The following SLC4A4 variants were observed in gnomAD, a reference collection of about 807,000 sequenced individuals.
SLC4A4 encodes the protein solute carrier family 4 member 4.
Under a neutral mutation model 111.5 loss-of-function variants are expected in SLC4A4, and 27 were observed. The ratio of observed to expected loss-of-function variants is 0.24; its 90% CI spans 0.18 to 0.33. The LOEUF (loss-of-function observed/expected upper bound fraction) is 0.33. Ranked by LOEUF, SLC4A4 falls within the 10% of genes least tolerant of loss-of-function variation. The probability of loss-of-function intolerance (pLI) is 1.00; values close to 1 mark genes in which losing one functional copy is unlikely to be tolerated. For synonymous variants in SLC4A4, 443 were observed against 463.4 expected, an observed-to-expected ratio of 0.96 and a Z score of 0.57; for missense variants, 909 against 1,315.5, an observed-to-expected ratio of 0.69 and a Z score of 4.78.
At chr4:71,273,518 A>G (rs947730570) in intron 3 of SLC4A4, among the ~76,000 whole-genome samples, 1 of 152,140 alleles carries the variant, frequency 6.6e-6, no homozygotes, top group Admixed American at 6.5e-5. Context: ...CCCAGGGCCA[A>G]AAGCTAGTTA....
chr4:71,155,081 A>G (rs1013166346), intron 2 of SLC4A4, among the ~76,000 whole-genome samples: 3 of 30,952 alleles, frequency 9.7e-5, no homozygotes, highest in Non-Finnish European at 1.9e-4. Flanking sequence ...TATTTGTATT[A>G]TGGGGTGTGT....
At chr4:71,496,793 G>A (rs1560561823) in intron 15 of SLC4A4, among the ~76,000 whole-genome samples, 1 of 152,018 alleles carries the variant, frequency 6.6e-6, no homozygotes, top group Non-Finnish European at 1.5e-5. Flanking sequence ...ATATGTTTGA[G>A]GCCATGTAAC....
intron 6 of SLC4A4, among the ~76,000 whole-genome samples, chr4:71,383,678 G>A (rs941553417): frequency 6.6e-6 from 1 of 152,150 alleles, no homozygotes; most frequent in Non-Finnish European, 1.5e-5. Context: ...CTATTGAACA[G>A]CTGAGCAAGA....
intron 1 of SLC4A4, among the ~76,000 whole-genome samples, chr4:71,074,630 GAA>G (rs1560705325): frequency 1.3e-5 from 2 of 150,600 alleles, no homozygotes; most frequent in South Asian, 4.2e-4. Flanking sequence ...GAAGAAAGGA[GAA>G]AAAGGAGAAG....
In SLC4A4 at chr4:71,116,458, A is replaced by G. The variant is rs997046372; in HGVS notation, c.-2+23666A>G. ...AGCTCCTGCACACCTACAGCCACAC[A>G]ATGCTTAAATTTTGGAATTCTGTAA... is the stretch of plus-strand genomic sequence containing the variant. On this transcript the variant is annotated intron_variant, in intron 2 of 26. Transcript: ENST00000649996. Among the ~76,000 whole-genome samples, 6 of 152,190 alleles carry G rather than the reference A, an allele frequency of 3.9e-5. 1 individual carries two copies. The highest frequency in any genetic ancestry group is 1.4e-4 in the African/African-American group (6 of 41,430).
chr4:71,351,255 A>C (rs1439986956), intron 5 of SLC4A4, among the ~76,000 whole-genome samples: 1 of 152,188 alleles, frequency 6.6e-6, no homozygotes, highest in Non-Finnish European at 1.5e-5. Flanking sequence ...TCCCTGTCCC[A>C]CCCAGCCTTT....
At chr4:71,473,636 T>G (rs1434126793) in intron 14 of SLC4A4, among the ~76,000 whole-genome samples, 4 of 151,824 alleles carry the variant, frequency 2.6e-5, no homozygotes, top group Non-Finnish European at 5.9e-5. Context: ...GGAATGTGAT[T>G]CTCTATATCT....
At chr4:71,153,025 A>ATG (rs71673464) in intron 2 of SLC4A4, among the ~76,000 whole-genome samples, 12,619 of 138,362 alleles carry the variant, frequency 0.091, 884 homozygotes, top group South Asian at 0.26. Flanking sequence ...ATATAAATAT[A>ATG]TGTGTGTGTA....
Position 71,154,964 on chromosome 4 carries a change from C to T in SLC4A4, c.-2+62172C>T, listed in dbSNP as rs536299876. ...AATTCCTTTTATTCTTATACATTAC[C>T]AAAGCTACAATACGGTCTAAATTTT... On this transcript the variant is annotated intron_variant, in intron 2 of 26. Transcript: ENST00000649996. 3.9e-5 allele frequency among the ~76,000 whole-genome samples: 6 copies of T among 152,054 alleles called. No homozygotes were observed. In the East Asian group the frequency reaches 1.2e-3, roughly 29 times the overall value.
chr4:71,290,435 T>C (rs577319713), intron 3 of SLC4A4, among the ~76,000 whole-genome samples: 8 of 152,288 alleles, frequency 5.3e-5, no homozygotes, highest in Non-Finnish European at 8.8e-5. Flanking sequence ...TCAACAGTGC[T>C]AACTGAAGCA....
rs1578485395 is a variant in SLC4A4, at chr4:71,106,594, T to C, written c.-2+13802T>C. Among the ~76,000 whole-genome samples, 3 of 145,892 alleles carry C rather than the reference T, an allele frequency of 2.1e-5. No individual in the cohort carries two copies. The South Asian group carries it at 6.8e-4, about 33-fold the overall frequency. On this transcript the variant is annotated intron_variant, in intron 2 of 26. Transcript: ENST00000649996. ...TACACCATGGAATACTATGCAGCCATAAAAAATGATGAGTTCATGTCCTTT... is the reference window on the plus strand; with the variant it reads ...TACACCATGGAATACTATGCAGCCACAAAAAATGATGAGTTCATGTCCTTT...
intron 6 of SLC4A4, among the ~76,000 whole-genome samples, chr4:71,372,583 A>G (rs1211548972): frequency 6.6e-6 from 1 of 152,206 alleles, no homozygotes; most frequent in Admixed American, 6.5e-5. Context: ...GTCCTTTTGC[A>G]TTTACTGGCA....
intron 2 of SLC4A4, among the ~76,000 whole-genome samples, chr4:71,254,298 G>A (rs1721283560): frequency 6.6e-6 from 1 of 152,066 alleles, no homozygotes; most frequent in African/African-American, 2.4e-5. Flanking sequence ...AAAATGATGT[G>A]GAACTTTGAG....
intron 14 of SLC4A4, among the ~76,000 whole-genome samples, chr4:71,474,608 G>A (rs757746831): frequency 2.6e-5 from 4 of 151,848 alleles, no homozygotes; most frequent in Non-Finnish European, 5.9e-5. Flanking sequence ...TAGGCAGTCA[G>A]TAACACTGAT....
In SLC4A4 at chr4:71,486,878, C is replaced by T. The variant is rs568822039; in HGVS notation, c.1904-70C>T. 3.0e-5 allele frequency: 27 copies of T among 914,034 alleles called. No homozygotes were observed. The South Asian group carries it at 3.4e-4, about 12-fold the overall frequency. The allele number at this position is 914,034 out of a possible 1,614,324, so 56.6% of individuals were successfully genotyped here. ...CTGTATAACCCTGCTTTTAAAAATA[C>T]CTAATTATGCATTTAAGGTCTTTTT... On this transcript the variant is annotated intron_variant, in intron 14 of 25. Transcript: ENST00000264485.
At chr4:71,443,114 CTCTATATATATATA>C (rs1363521784) in intron 8 of SLC4A4, among the ~76,000 whole-genome samples, 4 of 90,280 alleles carry the variant, frequency 4.4e-5, no homozygotes, top group East Asian at 7.8e-4. Context: ...CTCTCTCTCT[CTCTATATATATATA>C]TATATATATA....
At chr4:71,495,117 A>T (rs1461209374) in intron 15 of SLC4A4, among the ~76,000 whole-genome samples, 1 of 152,080 alleles carries the variant, frequency 6.6e-6, no homozygotes, top group Non-Finnish European at 1.5e-5. Flanking sequence ...ACAAAGAATC[A>T]TTTGAGGCTT....
At chr4:71,257,409 C>T (rs1721530784) in intron 3 of SLC4A4, among the ~76,000 whole-genome samples, 1 of 152,022 alleles carries the variant, frequency 6.6e-6, no homozygotes, top group African/African-American at 2.4e-5. Context: ...ATGAGTTATC[C>T]AATTTGACAT....
chr4:71,401,703 C>T (rs1363463000), intron 7 of SLC4A4, among the ~76,000 whole-genome samples: 1 of 152,142 alleles, frequency 6.6e-6, no homozygotes, highest in Non-Finnish European at 1.5e-5. Context: ...CTTCATTTTA[C>T]CCCTTAGCTT....
Sources: gnomAD v4.1 joint callset for allele counts (sites outside exome capture counted in the v4.1 genomes callset) on GRCh38, gnomAD v4.1.1 for gene constraint, MANE v1.5 for transcripts, NCBI Gene and HGNC (gene_info 2026-07-23, HGNC 2026-07-21) for gene names.